STOX2: variants seen among roughly 807,000 people sequenced by gnomAD.
The protein encoded by STOX2 is storkhead-box protein 2.
A neutral mutation model predicts 60.9 loss-of-function variants in STOX2; 28 were observed. The observed-to-expected ratio is 0.46, with a 90% CI of 0.34 to 0.63. STOX2 has a LOEUF of 0.63. Among genes scored for constraint, STOX2 ranks in the 30% least tolerant of loss-of-function variants. STOX2 has a pLI of 0.01. For missense variants in STOX2, 1,024 were observed against 1,187.7 expected (o/e 0.86, Z 2.03); for synonymous variants, 472 against 463.9 (o/e 1.02, Z -0.22).
At chr4:183,824,693 A>T (rs1223061682) in intron 1 of STOX2, among the ~76,000 whole-genome samples, 1 of 152,234 alleles carries the variant, frequency 6.6e-6, no homozygotes, top group African/African-American at 2.4e-5. Flanking sequence ...GCATTTTGTA[A>T]AAATAACAGA....
At position 183,912,316 on chromosome 4, in the gene STOX2, G is replaced by A. The variant is rs117370873; in HGVS notation, c.166+5360G>A. Among the ~76,000 whole-genome samples, 618 of 152,202 alleles carry A rather than the reference G, an allele frequency of 4.1e-3. 13 individuals are homozygous for A. Among genetic ancestry groups the A allele is most frequent in the Admixed American group, 0.032 (495 of 15,292 alleles). On this transcript the variant is annotated intron_variant, in intron 1 of 3. Coordinates refer to ENST00000308497, the MANE Select transcript of STOX2 (RefSeq NM_020225.3). ...CCTTCCCAGTGTTCCCATCCATCAC[G>A]CCTGTGGATGAAATCATAGACCAGG...
At chr4:183,940,053 C>T (rs978615501) in intron 1 of STOX2, among the ~76,000 whole-genome samples, 1 of 152,216 alleles carries the variant, frequency 6.6e-6, no homozygotes, top group African/African-American at 2.4e-5. Context: ...CAGGCGTCCG[C>T]CACCACACCC....
At chr4:183,872,068 T>G (rs545568564) in intron 1 of STOX2, among the ~76,000 whole-genome samples, 114 of 152,318 alleles carry the variant, frequency 7.5e-4, no homozygotes, top group African/African-American at 2.0e-3. Flanking sequence ...GAATCATTTT[T>G]TTTTTGAAAC....
Position 184,011,145 on chromosome 4 carries a change from C to T in STOX2, c.2307C>T (p.Ala769=), listed in dbSNP as rs1734149787. 1 of 1,574,634 alleles carries T rather than the reference C, an allele frequency of 6.4e-7. No individual in the cohort carries two copies. The highest frequency in any genetic ancestry group is 1.9e-5 in the Admixed American group (1 of 52,998). Residue 769 remains alanine, a synonymous_variant, in exon 3 of 4, where the codon GCC becomes GCT. Transcript: ENST00000308497. The surrounding 1 kb of genome is among the most constrained non-coding windows in gnomAD (Gnocchi z 4.4). ...RQQESGGNQE[A]SFDYYNVSDD... is the part of the protein sequence containing the mutation. Reference sequence around the variant, plus strand: ...AGGAGTCAGGAGGGAACCAGGAAGCCTCTTTTGACTATTACAACGTCTCTG... The same window carrying T: ...AGGAGTCAGGAGGGAACCAGGAAGCTTCTTTTGACTATTACAACGTCTCTG...
chr4:183,935,201 G>A (rs188161896), intron 1 of STOX2, among the ~76,000 whole-genome samples: 68 of 152,334 alleles, frequency 4.5e-4, no homozygotes, highest in Non-Finnish European at 7.9e-4. Flanking sequence ...TGGGAAGCCC[G>A]CTCAGGAGCG....
At chr4:183,871,757 G>GA (rs1428086961) in intron 1 of STOX2, among the ~76,000 whole-genome samples, 1 of 151,680 alleles carries the variant, frequency 6.6e-6, no homozygotes, top group Non-Finnish European at 1.5e-5. Context: ...CTTTTTAGGG[G>GA]AAAAAATGAA....
chr4:183,898,363 G>A (rs1741387538), intron 1 of STOX2, among the ~76,000 whole-genome samples: 1 of 152,082 alleles, frequency 6.6e-6, no homozygotes, highest in African/African-American at 2.4e-5. Context: ...TGCCATGACT[G>A]GAAATGTACG....
At chr4:183,951,132 G>C (rs917713112) in intron 1 of STOX2, among the ~76,000 whole-genome samples, 2 of 135,402 alleles carry the variant, frequency 1.5e-5, no homozygotes, top group African/African-American at 2.6e-5. Context: ...AGGAGAATGG[G>C]TGAACCCGGG....
rs201635837 is a variant in STOX2 at position 183,881,089 on chromosome 4, T to TG, written c.364+83034_364+83035insG. ...CTGCCTTCAATGAGACTGAAGTAAATTGCCTTTTCTGAATTCCCCAAGGGC... is the reference window on the plus strand; with the variant it reads ...CTGCCTTCAATGAGACTGAAGTAAATGTGCCTTTTCTGAATTCCCCAAGGGC... On this transcript the variant is annotated intron_variant, in intron 1 of 2. Transcript: ENST00000513034. Among the ~76,000 whole-genome samples the TG allele has an allele frequency of 6.6e-3, 1,003 of 152,280 alleles. 10 individuals carry two copies. Among genetic ancestry groups the TG allele is most frequent in the African/African-American group, 0.021 (868 of 41,544 alleles).
chr4:183,901,139 T>G (rs1741450778), upstream of STOX2, among the ~76,000 whole-genome samples: 1 of 152,226 alleles, frequency 6.6e-6, no homozygotes, highest in African/African-American at 2.4e-5. Flanking sequence ...TTCTAAGTAC[T>G]TTGTATAAGT....
intron 1 of STOX2, among the ~76,000 whole-genome samples, chr4:183,911,983 A>G (rs1741794538): frequency 6.6e-6 from 1 of 152,172 alleles, no homozygotes; most frequent in South Asian, 2.1e-4. Context: ...GACATGGGTA[A>G]TTTTTTAAGT....
At chr4:183,855,395 G>A (rs1740262666) in intron 1 of STOX2, among the ~76,000 whole-genome samples, 1 of 152,108 alleles carries the variant, frequency 6.6e-6, no homozygotes, top group Admixed American at 6.6e-5. Context: ...GAGCCTTTCT[G>A]GACTCTTGGG....
rs746645084 is a variant in STOX2 at position 183,865,356 on chromosome 4, G to T, written c.364+67301G>T. ...GGGATTGCTGTTTTACCTGTCTTTT[G>T]GTTCATGAGTTAGGCAGAGACTATA... On this transcript the variant is annotated intron_variant, in intron 1 of 2. Transcript: ENST00000513034. The surrounding 1 kb of genome is among the most constrained non-coding windows in gnomAD (Gnocchi z 4.1). 1.1e-4 allele frequency among the ~76,000 whole-genome samples: 16 copies of T among 152,104 alleles called. No individual in the cohort carries two copies. The highest frequency in any genetic ancestry group is 1.9e-4 in the Non-Finnish European group (13 of 68,018).
At chr4:184,000,813 G>A (rs568099949) in intron 1 of STOX2, among the ~76,000 whole-genome samples, 7 of 152,306 alleles carry the variant, frequency 4.6e-5, no homozygotes, top group Admixed American at 1.3e-4. Flanking sequence ...AACTTCGTTC[G>A]ATCTACTTGT....
rs192983159 is a variant in STOX2 at position 183,921,061 on chromosome 4, G to A, written c.166+14105G>A. ...ATGAAAAATTGCTGAAGAAGCATTCGGTTTAGCACAGTCTAATTTCTGCCA... is the reference window on the plus strand; with the variant it reads ...ATGAAAAATTGCTGAAGAAGCATTCAGTTTAGCACAGTCTAATTTCTGCCA... On this transcript the variant is annotated intron_variant, in intron 1 of 3. Transcript: ENST00000308497. Among the ~76,000 whole-genome samples, 216 of 152,182 alleles carry A rather than the reference G, an allele frequency of 1.4e-3. 3 individuals are homozygous for A. Among genetic ancestry groups the A allele is most frequent in the African/African-American group, 3.7e-3 (155 of 41,514 alleles).
chr4:183,969,973 A>G (rs1477682382), intron 1 of STOX2, among the ~76,000 whole-genome samples: 1 of 152,140 alleles, frequency 6.6e-6, no homozygotes, highest in Non-Finnish European at 1.5e-5. Flanking sequence ...TGGGGAAACT[A>G]TTGATTTAGG....
intron 1 of STOX2, among the ~76,000 whole-genome samples, chr4:183,801,821 T>C (rs895775159): frequency 2.6e-5 from 4 of 151,338 alleles, no homozygotes; most frequent in East Asian, 1.9e-4. Flanking sequence ...TAAGCAAGGG[T>C]GGGAATGAAG....
rs1180296365 is a variant in STOX2 at position 184,001,601 on chromosome 4, G to A, written c.319+124G>A. 8 of 900,084 alleles carry A rather than the reference G, an allele frequency of 8.9e-6. No individual in the cohort carries two copies. The highest frequency in any genetic ancestry group is 3.3e-5 in the Admixed American group (1 of 30,012). 55.8% of individuals were successfully genotyped at this position (900,084 alleles called of 1,614,324 possible). ...AAACATTCTTCCCCAAAACTGACCC[G>A]AAGCTTTCCTTACTTCTGTAATTAA... is the stretch of plus-strand genomic sequence containing the variant. On this transcript the variant is annotated intron_variant, in intron 2 of 3. Coordinates refer to ENST00000308497, the MANE Select transcript of STOX2 (RefSeq NM_020225.3). This position sits in a 1 kb window ranked among gnomAD's most constrained non-coding sequence, Gnocchi z 4.2.
chr4:183,983,788 A>G lies in STOX2; in HGVS notation c.167-17537A>G, dbSNP rs183224075. Among the ~76,000 whole-genome samples the G allele has an allele frequency of 1.2e-3, 178 of 152,146 alleles. 2 individuals carry two copies. Among genetic ancestry groups the G allele is most frequent in the Admixed American group, 9.6e-3 (147 of 15,294 alleles). ...AAAGACTGTTCTTTAAATTTTTTTT[A>G]ATTGATTAATTTTTAGAGAAGGATC... On this transcript the variant is annotated intron_variant, in intron 1 of 3. Transcript: ENST00000308497.
Sources: allele counts gnomAD v4.1 joint callset (sites outside exome capture counted in the v4.1 genomes callset), GRCh38; gene constraint gnomAD v4.1.1; non-coding constraint Gnocchi (gnomAD v3.1); transcripts MANE v1.5; gene names NCBI Gene and HGNC (gene_info 2026-07-23, HGNC 2026-07-21).